CSPP1: variants seen among roughly 807,000 people sequenced by gnomAD.
CSPP1 encodes centrosome and spindle pole associated protein 1, also known as centrosome and spindle pole-associated protein 1.
CSPP1 carries 126 observed loss-of-function variants against 164.4 expected under a neutral mutation model. The ratio of observed to expected loss-of-function variants is 0.77; its 90% CI spans 0.66 to 0.89. The LOEUF (loss-of-function observed/expected upper bound fraction) is 0.89. Ranked by LOEUF, CSPP1 falls within the 40% of genes least tolerant of loss-of-function variation. The pLI is 0.00. For missense variants in CSPP1, 1,395 were observed against 1,449.8 expected (o/e 0.96, Z 0.61); for synonymous variants, 472 against 476.7 (o/e 0.99, Z 0.13).
In CSPP1 at chr8:67,195,649, T is replaced by C; in HGVS notation, c.*56T>C. 6.8e-7 allele frequency: 1 copy of C among 1,476,130 alleles called. No homozygotes were observed. Among genetic ancestry groups the C allele is most frequent in the East Asian group, 2.3e-5 (1 of 43,092 alleles). The allele number at this position is 1,476,130 out of a possible 1,614,324, so 91.4% of individuals were successfully genotyped here. A position where few individuals can be genotyped will look rare whatever the true frequency, so the allele number is the denominator to read the frequency against. On this transcript the variant is annotated 3_prime_UTR_variant, in exon 31 of 31. Coordinates refer to ENST00000678616, the MANE Select transcript of CSPP1 (RefSeq NM_001382391.1). ...TTTAAGGTGAAAGGAATGGTAAATC[T>C]GTACCTTTAATATGTCCTACTTTTG...
At chr8:67,131,448 C>T (rs1005993972) in intron 15 of CSPP1, among the ~76,000 whole-genome samples, 6 of 152,128 alleles carry the variant, frequency 3.9e-5, no homozygotes, top group Non-Finnish European at 8.8e-5. Flanking sequence ...ATATGTTTAA[C>T]ATTTTTTCTT....
intron 16 of CSPP1, 106 bp from the exon 17 acceptor site, chr8:67,137,350 A>AT: frequency 1.1e-6 from 1 of 923,056 alleles, no homozygotes; most frequent in Non-Finnish European, 1.5e-6. Flanking sequence ...AAAAAAGCAA[A>AT]TTTTTTTGCT....
intron 3 of CSPP1, among the ~76,000 whole-genome samples, chr8:67,079,864 T>A (rs181028966): frequency 2.3e-4 from 35 of 152,226 alleles, no homozygotes; most frequent in Admixed American, 4.6e-4. Flanking sequence ...TGCGCAGCAC[T>A]TACTGCTTGG....
chr8:67,080,974 T>C (rs1019598137), intron 3 of CSPP1: 1 of 152,226 alleles, frequency 6.6e-6, no homozygotes, highest in Non-Finnish European at 1.5e-5. Context: ...CCAGCCCTGC[T>C]GTATTCATTC....
At chr8:67,148,094 T>C (rs758215796) in intron 17 of CSPP1, among the ~76,000 whole-genome samples, 1 of 151,676 alleles carries the variant, frequency 6.6e-6, no homozygotes, top group East Asian at 1.9e-4. Context: ...AATTTTTGTA[T>C]TTTCAGTAGA....
intron 15 of CSPP1, among the ~76,000 whole-genome samples, chr8:67,129,747 C>T (rs2129553680): frequency 6.6e-6 from 1 of 152,228 alleles, no homozygotes; most frequent in East Asian, 1.9e-4. Context: ...CTAAATGAAT[C>T]TATACATACT....
At chr8:67,100,732 G>A (rs994999737) in intron 7 of CSPP1, among the ~76,000 whole-genome samples, 1 of 150,110 alleles carries the variant, frequency 6.7e-6, no homozygotes, top group Non-Finnish European at 1.5e-5. Context: ...GGCATGAGCC[G>A]CCGTGCCCGG....
intron 1 of CSPP1, among the ~76,000 whole-genome samples, chr8:67,069,360 C>A (rs1337016241): frequency 6.6e-6 from 1 of 152,008 alleles, no homozygotes; most frequent in Admixed American, 6.6e-5. Flanking sequence ...ATGGCATATG[C>A]TATATTTACT....
intron 3 of CSPP1, among the ~76,000 whole-genome samples, chr8:67,084,916 A>G (rs1810065248): frequency 6.6e-6 from 1 of 152,190 alleles, no homozygotes; most frequent in Non-Finnish European, 1.5e-5. Context: ...TGAAAAGTAT[A>G]TAATTTGATT....
chr8:67,095,700 T>G lies in CSPP1; in HGVS notation c.891T>G (p.Asp297Glu). Residue 297 changes from aspartate (D) to glutamate (E), a missense_variant, in exon 7 of 31, where the codon GAT (aspartate) becomes GAG (glutamate). Coordinates refer to ENST00000678616, the MANE Select transcript of CSPP1 (RefSeq NM_001382391.1). The part of the protein sequence containing the change: ...DERFRYESDF[D>E]RRLSRVYTND... ...GGTTTAGATATGAAAGTGATTTTGA[T>G]AGAAGACTTTCGAGAGTGTATACAA... 1 of 1,603,756 alleles carries G rather than the reference T, an allele frequency of 6.2e-7. No individual in the cohort carries two copies. The highest frequency in any genetic ancestry group is 8.5e-7 in the Non-Finnish European group (1 of 1,174,946).
chr8:67,181,722 T>C (rs1379551141), intron 28 of CSPP1, among the ~76,000 whole-genome samples: 1 of 152,204 alleles, frequency 6.6e-6, no homozygotes, highest in African/African-American at 2.4e-5. Context: ...TTTTAAAGTG[T>C]ACATTGACTG....
At chr8:67,194,789 ACAAT>A (rs1308056924) in intron 30 of CSPP1, among the ~76,000 whole-genome samples, 5 of 152,316 alleles carry the variant, frequency 3.3e-5, no homozygotes, top group African/African-American at 1.2e-4. Context: ...GAAGTTGCGT[ACAAT>A]CAATCAGATT....
At chr8:67,185,148 A>G (rs1248119922) in intron 28 of CSPP1, among the ~76,000 whole-genome samples, 2 of 151,674 alleles carry the variant, frequency 1.3e-5, no homozygotes, top group African/African-American at 2.4e-5. Context: ...AACAAAAAAC[A>G]CAACATAGTC....
intron 9 of CSPP1, among the ~76,000 whole-genome samples, chr8:67,106,414 T>C (rs1815541202): frequency 6.6e-6 from 1 of 152,134 alleles, no homozygotes; most frequent in Non-Finnish European, 1.5e-5. Context: ...AGTATTTTGT[T>C]TTATTTATGA....
chr8:67,076,554 A>G lies in CSPP1; in HGVS notation c.172A>G (p.Asn58Asp). The change falls in exon 3 of 31, where the codon AAT becomes GAT. Residue 58 changes from asparagine (N) to aspartate (D), a missense_variant. Asn to Asp is a conservative substitution (Grantham distance 23). Coordinates refer to ENST00000678616, the MANE Select transcript of CSPP1 (RefSeq NM_001382391.1). ...TATGGCTAAGGAAAACATACCACCA[A>G]ATAGTCAACAGACCAGGGGTTCCTT... is the stretch of plus-strand genomic sequence containing the variant. The part of the protein sequence containing the change: ...ISMAKENIPP[N>D]SQQTRGSLGI... 1 of 1,600,442 alleles carries G rather than the reference A, an allele frequency of 6.2e-7. No homozygotes were observed. The highest frequency in any genetic ancestry group is 8.5e-7 in the Non-Finnish European group (1 of 1,173,388).
intron 16 of CSPP1, among the ~76,000 whole-genome samples, chr8:67,132,932 C>G (rs959672290): frequency 6.6e-6 from 1 of 152,150 alleles, no homozygotes; most frequent in Non-Finnish European, 1.5e-5. Flanking sequence ...TAGAATTACA[C>G]TTGGATTTCT....
chr8:67,132,617 C>T (rs1296826179), intron 16 of CSPP1, among the ~76,000 whole-genome samples: 1 of 152,110 alleles, frequency 6.6e-6, no homozygotes, highest in African/African-American at 2.4e-5. Flanking sequence ...TGATGAGGCC[C>T]TGAACCAGAT....
chr8:67,090,116 C>G (rs935012181), intron 4 of CSPP1, among the ~76,000 whole-genome samples: 2 of 152,038 alleles, frequency 1.3e-5, no homozygotes, highest in African/African-American at 4.8e-5. Context: ...TATAACTCTA[C>G]AAAATAATTA....
chr8:67,149,920 G>A lies in CSPP1; in HGVS notation c.2113G>A (p.Ala705Thr). ...TSNAENLEDA[A>T]NKSSGHMQTQ... ...AAATGCTGAGAACCTAGAAGATGCT[G>A]CAAATAAAAGCTCAGGTTTTTAATC... is the stretch of plus-strand genomic sequence containing the variant. Residue 705 changes from alanine to threonine, a missense_variant, in exon 18 of 31, where the codon GCA (alanine) becomes ACA (threonine). Ala to Thr is a moderately conservative substitution (Grantham distance 58, BLOSUM62 0). Coordinates refer to ENST00000678616, the MANE Select transcript of CSPP1 (RefSeq NM_001382391.1). 1.3e-6 allele frequency: 2 copies of A among 1,546,900 alleles called. No individual in the cohort carries two copies. The highest frequency in any genetic ancestry group is 1.4e-5 in the African/African-American group (1 of 69,586).
Sources: gnomAD v4.1 joint callset for allele counts (sites outside exome capture counted in the v4.1 genomes callset) on GRCh38, gnomAD v4.1.1 for gene constraint, MANE v1.5 for transcripts, NCBI Gene and HGNC (gene_info 2026-07-23, HGNC 2026-07-21) for gene names.